The following HECW2 variants were observed in gnomAD, a reference collection of about 807,000 sequenced individuals.
The protein encoded by HECW2 is E3 ubiquitin-protein ligase HECW2.
HECW2 carries 61 observed loss-of-function variants against 175.2 expected under a neutral mutation model. The ratio of observed to expected loss-of-function variants is 0.35; its 90% CI spans 0.28 to 0.43. HECW2 has a LOEUF of 0.43. HECW2 is among the 20% of genes least tolerant of loss of function. The probability of loss-of-function intolerance (pLI) is 1.00; values close to 1 mark genes in which losing one functional copy is unlikely to be tolerated. For missense variants in HECW2, 1,524 were observed against 2,000.5 expected (o/e 0.76, Z 4.54); for synonymous variants, 671 against 731.0 (o/e 0.92, Z 1.32).
intron 1 of HECW2, among the ~76,000 whole-genome samples, chr2:196,544,864 C>T (rs114911913): frequency 1.3e-3 from 195 of 152,230 alleles, no homozygotes; most frequent in African/African-American, 4.4e-3. Context: ...AAAAGGGCCC[C>T]GCAGGACCTC....
intron 1 of HECW2, among the ~76,000 whole-genome samples, chr2:196,514,416 C>G (rs1032020869): frequency 1.3e-5 from 2 of 152,210 alleles, no homozygotes; most frequent in Non-Finnish European, 2.9e-5. Context: ...GCAGAAAAGC[C>G]TGGGAGCCAT....
At chr2:196,421,808 G>A (rs1301068145) in intron 2 of HECW2, among the ~76,000 whole-genome samples, 1 of 152,164 alleles carries the variant, frequency 6.6e-6, no homozygotes, top group Admixed American at 6.5e-5. Flanking sequence ...AAGAATGCCT[G>A]TATCAAGTAT....
intron 10 of HECW2, among the ~76,000 whole-genome samples, chr2:196,313,610 A>T (rs1411706056): frequency 2.0e-5 from 3 of 152,222 alleles, no homozygotes; most frequent in African/African-American, 7.2e-5. Flanking sequence ...CACTGATCAA[A>T]CTTAGTACTA....
At chr2:196,494,242 C>T (rs1687301961) in intron 1 of HECW2, among the ~76,000 whole-genome samples, 2 of 152,120 alleles carry the variant, frequency 1.3e-5, no homozygotes, top group Non-Finnish European at 2.9e-5. Flanking sequence ...CATAAAGCAA[C>T]ATGTATGTCA....
intron 2 of HECW2, among the ~76,000 whole-genome samples, chr2:196,411,083 T>C (rs1469490618): frequency 2.0e-5 from 3 of 152,244 alleles, no homozygotes; most frequent in Non-Finnish European, 4.4e-5. Context: ...ATTACAGCCT[T>C]GACCTCTCAG....
intron 28 of HECW2, among the ~76,000 whole-genome samples, chr2:196,213,087 T>A (rs1687348193): frequency 6.6e-6 from 1 of 152,228 alleles, no homozygotes. Flanking sequence ...ATTTTACAGA[T>A]CTTTTTTTAC....
intron 17 of HECW2, among the ~76,000 whole-genome samples, chr2:196,268,366 T>A (rs75453373): frequency 1.3e-5 from 2 of 152,208 alleles, no homozygotes; most frequent in African/African-American, 2.4e-5. Context: ...GTGAATCCTA[T>A]GTTAGAAGAA....
rs146742272 is a variant in HECW2, at chr2:196,367,006, T to C, written c.293-23242A>G. 5.4e-3 allele frequency among the ~76,000 whole-genome samples: 818 copies of C among 152,316 alleles called. 8 individuals are homozygous for C. Among genetic ancestry groups the C allele is most frequent in the Middle Eastern group, 0.02 (6 of 294 alleles). On this transcript the variant is annotated intron_variant, in intron 2 of 28. Transcript: ENST00000644978. ...TCTGTGTATATATATGTTGTTTCTGTCTGTAAAATGGGAACATTACCCTTT... is the reference window on the plus strand; with the variant it reads ...TCTGTGTATATATATGTTGTTTCTGCCTGTAAAATGGGAACATTACCCTTT...
At chr2:196,280,988 C>T (rs112287764) in intron 14 of HECW2, among the ~76,000 whole-genome samples, 2 of 152,180 alleles carry the variant, frequency 1.3e-5, no homozygotes, top group African/African-American at 4.8e-5. Flanking sequence ...ATTAGAATGG[C>T]CTATTTACCT....
chr2:196,479,826 C>G (rs1686783338), intron 1 of HECW2, among the ~76,000 whole-genome samples: 1 of 152,132 alleles, frequency 6.6e-6, no homozygotes, highest in Admixed American at 6.5e-5. Context: ...CTCCTGTTAC[C>G]ATCCTCTTGC....
In HECW2 at chr2:196,306,394, T is replaced by G. The variant is rs1575390944; in HGVS notation, c.2814+94A>C. ...GAACACACTAAGTGCTCTGGAAACA[T>G]TCGCCATTATCATTCCTGCTATTAC... On this transcript the variant is annotated intron_variant, in intron 13 of 28. Transcript: ENST00000644978. 3 of 1,261,700 alleles carry G rather than the reference T, an allele frequency of 2.4e-6. No individual in the cohort carries two copies. In the East Asian group the frequency reaches 7.5e-5, roughly 31 times the overall value. The allele number at this position is 1,261,700 out of a possible 1,614,324, so 78.2% of individuals were successfully genotyped here.
chr2:196,319,443 C>G lies in HECW2; in HGVS notation c.1447G>C (p.Glu483Gln), dbSNP rs774034623. 1 of 1,613,904 alleles carries G rather than the reference C, an allele frequency of 6.2e-7. No individual in the cohort carries two copies. The part of the protein sequence containing the change: ...QQDLGYPSSL[E>Q]EEGGLIMFSR... The stretch of plus-strand genomic sequence containing the variant: ...AACATGATCAGGCCTCCCTCCTCCT[C>G]CAAGGAAGATGGGTAACCCAGGTCT... Residue 483 changes from glutamate to glutamine, a missense_variant, in exon 9 of 29, where the codon GAG (glutamate) becomes CAG (glutamine). Glu to Gln is a conservative substitution (Grantham distance 29). This residue lies in a region of HECW2 where 604 missense variants were observed against 588.3 expected (regional missense o/e 1.03). Transcript: ENST00000644978.
At chr2:196,539,925 C>T (rs1405833219) in intron 1 of HECW2, among the ~76,000 whole-genome samples, 1 of 152,192 alleles carries the variant, frequency 6.6e-6, no homozygotes, top group African/African-American at 2.4e-5. Context: ...AAAACTGATA[C>T]TATCTTTTGT....
intron 1 of HECW2, among the ~76,000 whole-genome samples, chr2:196,525,551 T>C (rs1688608640): frequency 7.5e-6 from 1 of 132,904 alleles, no homozygotes; most frequent in Non-Finnish European, 1.6e-5. Flanking sequence ...GCTCGTTAGT[T>C]GATGCAGTTT....
At chr2:196,465,713 C>T (rs868708104) in intron 1 of HECW2, among the ~76,000 whole-genome samples, 1 of 149,352 alleles carries the variant, frequency 6.7e-6, no homozygotes, top group African/African-American at 2.4e-5. Flanking sequence ...AATACGTGGC[C>T]GTTCTGGACA....
In HECW2 at chr2:196,525,801, T is replaced by C. The variant is rs1354072163; in HGVS notation, c.-36+67707A>G. On this transcript the variant is annotated intron_variant, in intron 1 of 28. Coordinates refer to ENST00000644978, the MANE Select transcript of HECW2 (RefSeq NM_001348768.2). ...TCTTTTCTTTAAGAATGTTGAATATTGGCCCCCACTCTCTTCTGGCTTGTA... is the reference window on the plus strand; with the variant it reads ...TCTTTTCTTTAAGAATGTTGAATATCGGCCCCCACTCTCTTCTGGCTTGTA... 2.5e-5 allele frequency among the ~76,000 whole-genome samples: 3 copies of C among 119,940 alleles called. No homozygotes were observed. The East Asian group carries it at 7.7e-4, about 31-fold the overall frequency. The allele number at this position is 119,940 out of a possible 152,430, so 78.7% of individuals were successfully genotyped here. A position where few individuals can be genotyped will look rare whatever the true frequency, so the allele number is the denominator to read the frequency against.
At chr2:196,561,562 G>A (rs747368866) in intron 1 of HECW2, among the ~76,000 whole-genome samples, 1 of 152,146 alleles carries the variant, frequency 6.6e-6, no homozygotes, top group African/African-American at 2.4e-5. Context: ...TACGGCTCAG[G>A]AGGCATCATG....
At chr2:196,581,094 A>C (rs556395227) in intron 1 of HECW2, among the ~76,000 whole-genome samples, 10 of 152,384 alleles carry the variant, frequency 6.6e-5, no homozygotes, top group African/African-American at 2.4e-4. Context: ...CAGAATAGGC[A>C]AATCTAGAGT....
intron 13 of HECW2, among the ~76,000 whole-genome samples, chr2:196,293,150 C>T (rs187993240): frequency 7.2e-5 from 11 of 152,252 alleles, no homozygotes; most frequent in African/African-American, 2.6e-4. Flanking sequence ...TCTCTCCCTC[C>T]CCCAGTCCTA....
Sources: allele counts gnomAD v4.1 joint callset (sites outside exome capture counted in the v4.1 genomes callset), GRCh38; gene constraint gnomAD v4.1.1; regional missense constraint gnomAD v4.1.1; transcripts MANE v1.5; gene names NCBI Gene and HGNC (gene_info 2026-07-23, HGNC 2026-07-21).